Variants in NBPF20 observed in about 807,000 individuals in gnomAD.
The protein encoded by NBPF20 is NBPF member 20.
In NBPF20, 90 loss-of-function variants were observed where a neutral mutation model predicts 68.1. The ratio of observed to expected loss-of-function variants is 1.32; its 90% confidence interval spans 1.11 to 1.58. NBPF20 has a LOEUF of 1.58. Among genes scored for constraint, NBPF20 ranks in the 40% most tolerant of loss-of-function variants. The pLI is 0.00. For synonymous variants in NBPF20, 290 were observed against 228.1 expected (o/e 1.27, Z -2.45); for missense variants, 816 against 601.2 (o/e 1.36, Z -3.74).
upstream of NBPF20, among the ~76,000 whole-genome samples, chr1:145,407,598 A>ATT (rs1350231008): frequency 7.4e-5 from 11 of 147,788 alleles, no homozygotes; most frequent in African/African-American, 2.2e-4. Context: ...ATATATATAT[A>ATT]TTTTTCTTTT....
intron 61 of NBPF20, among the ~76,000 whole-genome samples, 197 bp from the exon 67 acceptor site, chr1:145,352,286 G>GACACAC (rs1488318288): frequency 9.5e-5 from 8 of 83,790 alleles, no homozygotes; most frequent in East Asian, 7.2e-4. Context: ...AAGACAGATA[G>GACACAC]ACACACACAC....
chr1:145,407,285 A>C (rs1662831743), upstream of NBPF20, among the ~76,000 whole-genome samples: 1 of 146,838 alleles, frequency 6.8e-6, no homozygotes, highest in Non-Finnish European at 1.5e-5. Context: ...TCATGGGGTG[A>C]GGGCTGGGGG....
At chr1:145,410,766 G>GTATA in the NBPF20 span, among the ~76,000 whole-genome samples, 1 of 111,552 alleles carries the variant, frequency 9.0e-6, no homozygotes, top group African/African-American at 3.4e-5. Context: ...ATATATATAC[G>GTATA]TATATATATA....
the NBPF20 span, among the ~76,000 whole-genome samples, chr1:145,413,488 T>C: frequency 3.3e-5 from 5 of 152,148 alleles, no homozygotes; most frequent in Non-Finnish European, 7.4e-5. Context: ...GAACAAACTT[T>C]TGACACACAA....
chr1:145,417,621 CAAAAAAA>C, the NBPF20 span, among the ~76,000 whole-genome samples: 12 of 53,172 alleles, frequency 2.3e-4, no homozygotes, highest in Admixed American at 1.8e-3. Flanking sequence ...CAACACAAAG[CAAAAAAA>C]AAAAAAAAAA....
the NBPF20 span, among the ~76,000 whole-genome samples, chr1:145,425,509 C>A: frequency 5.1e-4 from 77 of 151,468 alleles, no homozygotes; most frequent in Non-Finnish European, 9.9e-4. Context: ...GCCTCGCGAC[C>A]CTCACCTACC....
chr1:145,410,700 ATGTG>A, the NBPF20 span, among the ~76,000 whole-genome samples: 504 of 118,244 alleles, frequency 4.3e-3, 8 homozygotes, highest in Admixed American at 9.8e-3. Context: ...ATATATATAT[ATGTG>A]TGTGTGTGTG....
intron 8 of NBPF20, among the ~76,000 whole-genome samples, chr1:145,394,668 G>C (rs1321736696): frequency 6.6e-6 from 1 of 152,038 alleles, no homozygotes; most frequent in Admixed American, 6.5e-5. Flanking sequence ...TGAGCTGACA[G>C]ACAACTCCTG....
At chr1:145,424,441 G>A in the NBPF20 span, among the ~76,000 whole-genome samples, 1 of 152,096 alleles carries the variant, frequency 6.6e-6, no homozygotes, top group Admixed American at 6.6e-5. Context: ...AAAACAAAAA[G>A]CTACTAACAC....
chr1:145,424,460 T>A, the NBPF20 span, among the ~76,000 whole-genome samples: 9 of 152,234 alleles, frequency 5.9e-5, no homozygotes, highest in East Asian at 1.7e-3. Flanking sequence ...ACATATCAGC[T>A]CAGAACAAAA....
intron 73 of NBPF20, among the ~76,000 whole-genome samples, chr1:145,342,810 C>G (rs1250122243): frequency 2.9e-4 from 33 of 112,386 alleles, no homozygotes; most frequent in African/African-American, 3.4e-4. Context: ...CACACACACA[C>G]ACAGAGAGAA....
At chr1:145,395,045 G>A in exon 8 of NBPF20, 6 of 1,611,502 alleles carry the variant, frequency 3.7e-6, no homozygotes, top group Non-Finnish European at 5.1e-6. Flanking sequence ...TGTAAGACTG[G>A]TACGAGGCCA....
chr1:145,403,348 TG>T (rs1662615190), intron 2 of NBPF20, 30 bp from the exon 8 acceptor site: 1 of 1,537,252 alleles, frequency 6.5e-7, no homozygotes, highest in Non-Finnish European at 9.0e-7. Context: ...CCTGCCTCAG[TG>T]GAAGGCTGGA....
chr1:145,292,071 G>A (rs1661149946), intron 137 of NBPF20, among the ~76,000 whole-genome samples: 1 of 149,426 alleles, frequency 6.7e-6, no homozygotes, highest in African/African-American at 2.6e-5. Flanking sequence ...GTGTCCTCAT[G>A]ACACACAGCA....
chr1:145,415,422 C>A, the NBPF20 span, among the ~76,000 whole-genome samples: 1 of 151,786 alleles, frequency 6.6e-6, no homozygotes, highest in Non-Finnish European at 1.5e-5. Flanking sequence ...AGCACAGACC[C>A]TTTACGGGTG....
At chr1:145,406,080 G>A (rs1314020137), upstream of NBPF20, among the ~76,000 whole-genome samples, 54 of 148,312 alleles carry the variant, frequency 3.6e-4, no homozygotes, top group Middle Eastern at 7.0e-3. Context: ...CACCACGCCC[G>A]GCTAATTTTT....
At position 145,393,868 on chromosome 1, in the gene NBPF20, A is replaced by T; in HGVS notation, c.1043+16T>A. On this transcript the variant is annotated intron_variant, in intron 9 of 137. Coordinates refer to ENST00000369373, the Ensembl canonical transcript of NBPF20. ...TGTCAACATCAAATTAACTCTCCACAATTTCTCAGACTCACCTGGGACCTG... is the reference window on the plus strand; with the variant it reads ...TGTCAACATCAAATTAACTCTCCACTATTTCTCAGACTCACCTGGGACCTG... 1 of 1,544,808 alleles carries T rather than the reference A, an allele frequency of 6.5e-7. No individual in the cohort carries two copies. The highest frequency in any genetic ancestry group is 8.8e-7 in the Non-Finnish European group (1 of 1,130,014).
the NBPF20 span, among the ~76,000 whole-genome samples, chr1:145,425,544 A>G: frequency 1.3e-5 from 2 of 151,808 alleles, no homozygotes; most frequent in African/African-American, 2.4e-5. Context: ...CGCTGTCTCA[A>G]CCGCCGCCCA....
chr1:145,419,136 GAAGGA>G, the NBPF20 span, among the ~76,000 whole-genome samples: 1 of 137,712 alleles, frequency 7.3e-6, no homozygotes, highest in African/African-American at 2.8e-5. Flanking sequence ...AGGAAGGGAG[GAAGGA>G]AGGAAGGAAG....
Sources: gnomAD v4.1 joint callset for allele counts (sites outside exome capture counted in the v4.1 genomes callset) on GRCh38, gnomAD v4.1.1 for gene constraint, MANE v1.5 for transcripts, NCBI Gene and HGNC (gene_info 2026-07-23, HGNC 2026-07-21) for gene names.